Variants in RBFOX1 observed in about 807,000 individuals in gnomAD.
RBFOX1 encodes RNA binding fox-1 homolog 1.
A neutral mutation model predicts 57.7 loss-of-function variants in RBFOX1; 8 were observed. The ratio of observed to expected loss-of-function variants is 0.14; its 90% CI spans 0.08 to 0.25. The LOEUF (loss-of-function observed/expected upper bound fraction) is 0.25. Among genes scored for constraint, RBFOX1 ranks in the 10% least tolerant of loss-of-function variants. RBFOX1 has a pLI of 1.00. For missense variants in RBFOX1, 611 were observed against 548.5 expected, an observed-to-expected ratio of 1.11 and a Z score of -1.14; for synonymous variants, 326 against 222.4, an observed-to-expected ratio of 1.47 and a Z score of -4.15.
chr16:5,416,962 G>A (rs1322789908), intron 1 of RBFOX1, among the ~76,000 whole-genome samples: 1 of 152,174 alleles, frequency 6.6e-6, no homozygotes, highest in Non-Finnish European at 1.5e-5. Context: ...GCACAGCAAT[G>A]AAAAGTTCTT....
chr16:6,257,043 A>G (rs985641522), intron 1 of RBFOX1, among the ~76,000 whole-genome samples: 5 of 152,190 alleles, frequency 3.3e-5, no homozygotes, highest in African/African-American at 9.7e-5. Context: ...AGTATTTAGC[A>G]GGAAGCACAG....
At chr16:5,314,657 T>C (rs2064182867) in intron 1 of RBFOX1, among the ~76,000 whole-genome samples, 1 of 152,016 alleles carries the variant, frequency 6.6e-6, no homozygotes, top group African/African-American at 2.4e-5. Flanking sequence ...TGCACCACCA[T>C]GCCCAGCTAA....
intron 4 of RBFOX1, among the ~76,000 whole-genome samples, chr16:7,211,722 C>G (rs1055557931): frequency 2.0e-5 from 3 of 152,072 alleles, no homozygotes; most frequent in Non-Finnish European, 4.4e-5. Context: ...CTTTTCAGCT[C>G]TCGTGCCAGG....
intron 2 of RBFOX1, among the ~76,000 whole-genome samples, chr16:6,531,792 C>T (rs1227434454): frequency 6.6e-6 from 1 of 152,124 alleles, no homozygotes; most frequent in Non-Finnish European, 1.5e-5. Context: ...TGAGTATCAA[C>T]CCAATTTACG....
Position 5,456,959 on chromosome 16 carries a change from C to A in RBFOX1, c.220-10257C>A, listed in dbSNP as rs557379848. Among the ~76,000 whole-genome samples, 3 of 152,260 alleles carry A rather than the reference C, an allele frequency of 2.0e-5. No homozygotes were observed. The South Asian group carries it at 6.2e-4, about 32-fold the overall frequency. ...TCTTAGTCCGTTTGGGCTGCTATAA[C>A]AAATATGGGTGAAGTGGCTTAAACA... On this transcript the variant is annotated intron_variant, in intron 1 of 2. Coordinates refer to the RBFOX1 transcript ENST00000585867.
chr16:5,399,214 C>T (rs1008496987), intron 1 of RBFOX1, among the ~76,000 whole-genome samples: 7 of 152,122 alleles, frequency 4.6e-5, no homozygotes, highest in African/African-American at 1.4e-4. Flanking sequence ...TAAATGGGCA[C>T]GTGATAATGC....
At chr16:6,372,937 A>C (rs1292496538) in intron 2 of RBFOX1, among the ~76,000 whole-genome samples, 4 of 102,758 alleles carry the variant, frequency 3.9e-5, no homozygotes, top group Non-Finnish European at 9.1e-5. Flanking sequence ...GGGTAGGAGG[A>C]TTGTTGTGTA....
At chr16:5,859,199 T>A (rs567514089) in intron 3 of RBFOX1, among the ~76,000 whole-genome samples, 19 of 152,012 alleles carry the variant, frequency 1.2e-4, no homozygotes, top group Non-Finnish European at 1.3e-4. Flanking sequence ...AGCGAGACTC[T>A]GTCTCACAAA....
intron 4 of RBFOX1, among the ~76,000 whole-genome samples, chr16:7,061,016 G>T (rs1406961173): frequency 8.3e-6 from 1 of 119,776 alleles, no homozygotes; most frequent in Non-Finnish European, 1.8e-5. Context: ...TTTCATGTAT[G>T]TTCTCCTGTG....
At chr16:6,306,833 G>A (rs1277463373) in intron 1 of RBFOX1, among the ~76,000 whole-genome samples, 1 of 152,078 alleles carries the variant, frequency 6.6e-6, no homozygotes, top group Admixed American at 6.6e-5. Context: ...TACCTCTAAG[G>A]AAATGTCACA....
intron 2 of RBFOX1, among the ~76,000 whole-genome samples, chr16:6,627,718 A>T (rs2098329223): frequency 6.6e-6 from 1 of 152,220 alleles, no homozygotes. Flanking sequence ...GTGAGGTGTC[A>T]GTCATCCCCC....
chr16:6,661,727 C>T (rs891402186), intron 3 of RBFOX1, among the ~76,000 whole-genome samples: 1 of 152,202 alleles, frequency 6.6e-6, no homozygotes, highest in Non-Finnish European at 1.5e-5. Context: ...TGAGAAATCA[C>T]AGGGCTGGGT....
intron 4 of RBFOX1, among the ~76,000 whole-genome samples, chr16:7,372,253 T>G (rs948575175): frequency 2.6e-5 from 4 of 152,140 alleles, no homozygotes; most frequent in African/African-American, 9.7e-5. Flanking sequence ...CACGTAAGGA[T>G]GAGTAACCAC....
intron 1 of RBFOX1, among the ~76,000 whole-genome samples, chr16:6,030,446 C>T (rs981224527): frequency 2.0e-5 from 3 of 152,156 alleles, no homozygotes; most frequent in African/African-American, 4.8e-5. Flanking sequence ...ATGGATTTTG[C>T]GTATTAACCT....
chr16:6,536,212 T>G (rs1211575332), intron 2 of RBFOX1, among the ~76,000 whole-genome samples: 1 of 152,226 alleles, frequency 6.6e-6, no homozygotes, highest in Non-Finnish European at 1.5e-5. Flanking sequence ...AATCTTGAAT[T>G]ATAAACTTAC....
chr16:6,923,219 C>T (rs1048433273), intron 3 of RBFOX1, among the ~76,000 whole-genome samples: 2 of 152,146 alleles, frequency 1.3e-5, no homozygotes, highest in African/African-American at 4.8e-5. Context: ...TCTCCATCAG[C>T]CCAGCCCCAC....
At chr16:5,519,807 G>A (rs2043941546) in intron 2 of RBFOX1, among the ~76,000 whole-genome samples, 2 of 152,164 alleles carry the variant, frequency 1.3e-5, no homozygotes, top group African/African-American at 2.4e-5. Context: ...AGAACTCAGT[G>A]CCTTGTTTTT....
intron 3 of RBFOX1, among the ~76,000 whole-genome samples, chr16:5,782,491 G>A (rs1220726904): frequency 6.6e-6 from 1 of 152,108 alleles, no homozygotes; most frequent in Non-Finnish European, 1.5e-5. Context: ...TGTTGCATTG[G>A]GGATTAAATT....
Position 6,449,015 on chromosome 16 carries a change from T to C in RBFOX1, c.-64+131958T>C, listed in dbSNP as rs2094540635. Among the ~76,000 whole-genome samples the C allele has an allele frequency of 2.6e-5, 4 of 152,294 alleles. No individual in the cohort carries two copies. The South Asian group carries it at 8.3e-4, about 32-fold the overall frequency. ...TATAAACCTACATTGAAAAAGAAGG[T>C]AGCAGTTATCATTAGGACAGAAAGA... On this transcript the variant is annotated intron_variant, in intron 2 of 15. Transcript: ENST00000550418.
Sources: allele counts gnomAD v4.1 joint callset (sites outside exome capture counted in the v4.1 genomes callset), GRCh38; gene constraint gnomAD v4.1.1; transcripts MANE v1.5; gene names NCBI Gene and HGNC (gene_info 2026-07-23, HGNC 2026-07-21).